Variants in RNF24 observed in about 807,000 individuals in gnomAD.
The protein encoded by RNF24 is ring finger protein 24.
Under a neutral mutation model 20.0 loss-of-function variants are expected in RNF24, and 14 were observed. That is an observed-to-expected ratio of 0.70 (90% confidence interval 0.46 to 1.10). The LOEUF (loss-of-function observed/expected upper bound fraction) is 1.10. RNF24 is among the 50% of genes least tolerant of loss of function. The pLI is 0.00. For missense variants in RNF24, 124 were observed against 177.6 expected, an observed-to-expected ratio of 0.70 and a Z score of 1.71; for synonymous variants, 45 against 61.1, an observed-to-expected ratio of 0.74 and a Z score of 1.23.
rs1269427838 is a variant in RNF24 at position 3,931,597 on chromosome 20, TAG to T, written c.*2464_*2465del. On this transcript the variant is annotated 3_prime_UTR_variant, in exon 6 of 6. Transcript: ENST00000358395. ...TCGCAGGAACTACTGCTAGTGATACTAGGCTTGCTGCAGGAGGATGTCACGCT... is the reference window on the plus strand; with the variant it reads ...TCGCAGGAACTACTGCTAGTGATACTGCTTGCTGCAGGAGGATGTCACGCT... 1 of 152,206 alleles carries T rather than the reference TAG, an allele frequency of 6.6e-6. No homozygotes were observed. The highest frequency in any genetic ancestry group is 1.5e-5 in the Non-Finnish European group (1 of 68,032). 9.4% of individuals were successfully genotyped at this position (152,206 alleles called of 1,614,324 possible). A position where few individuals can be genotyped will look rare whatever the true frequency, so the allele number is the denominator to read the frequency against.
At chr20:3,986,873 T>TCTC (rs974697537) in intron 1 of RNF24, among the ~76,000 whole-genome samples, 36 of 152,186 alleles carry the variant, frequency 2.4e-4, no homozygotes, top group African/African-American at 7.9e-4. Flanking sequence ...ATGGTCTTGA[T>TCTC]CTCCTGATCT....
intron 1 of RNF24, among the ~76,000 whole-genome samples, chr20:3,977,681 C>A (rs951279267): frequency 2.0e-5 from 3 of 151,794 alleles, no homozygotes; most frequent in Non-Finnish European, 2.9e-5. Flanking sequence ...CTGGCTAACA[C>A]GGTGAAACCC....
chr20:3,986,035 G>T (rs1979870597), intron 1 of RNF24, among the ~76,000 whole-genome samples: 1 of 152,082 alleles, frequency 6.6e-6, no homozygotes, highest in Non-Finnish European at 1.5e-5. Flanking sequence ...TTACAAGCGT[G>T]AGCCACCATG....
intron 1 of RNF24, among the ~76,000 whole-genome samples, chr20:4,001,980 C>A (rs1169041778): frequency 6.6e-6 from 1 of 151,240 alleles, no homozygotes; most frequent in Non-Finnish European, 1.5e-5. Context: ...GGGCCGGGCG[C>A]GGTGGCTGAC....
chr20:4,014,187 A>C (rs1982688009), intron 1 of RNF24, among the ~76,000 whole-genome samples: 1 of 152,232 alleles, frequency 6.6e-6, no homozygotes, highest in Admixed American at 6.5e-5. Flanking sequence ...ACAACAGAAC[A>C]CAGGAAAATT....
Position 3,931,443 on chromosome 20 carries a change from T to A in RNF24, c.*2620A>T, listed in dbSNP as rs1332621203. The A allele has an allele frequency of 6.6e-6, 1 of 152,236 alleles. No homozygotes were observed. The highest frequency in any genetic ancestry group is 6.5e-5 in the Admixed American group (1 of 15,288). 9.4% of individuals were successfully genotyped at this position (152,236 alleles called of 1,614,324 possible). ...GTCTTTCAAACAAAAACCCTGCGAT[T>A]TTAATGAGAATTAAAGGAGGATGTA... On this transcript the variant is annotated 3_prime_UTR_variant, in exon 6 of 6. Transcript: ENST00000358395.
At chr20:3,980,960 T>G (rs553946378) in intron 1 of RNF24, among the ~76,000 whole-genome samples, 2 of 136,314 alleles carry the variant, frequency 1.5e-5, no homozygotes, top group African/African-American at 5.4e-5. Context: ...AATTTGTGTG[T>G]GTGTGTTGGG....
chr20:3,981,636 G>A (rs1979391354), intron 1 of RNF24, among the ~76,000 whole-genome samples: 1 of 151,848 alleles, frequency 6.6e-6, no homozygotes, highest in African/African-American at 2.4e-5. Flanking sequence ...CTCCCGAGTA[G>A]CTGGGACTAC....
intron 1 of RNF24, among the ~76,000 whole-genome samples, chr20:3,977,828 C>A (rs1979008465): frequency 1.4e-5 from 2 of 146,166 alleles, no homozygotes; most frequent in Non-Finnish European, 3.0e-5. Context: ...TGCGCCACTG[C>A]ACTCCAGCCT....
chr20:3,954,482 G>A (rs2091119225), intron 2 of RNF24, among the ~76,000 whole-genome samples: 1 of 152,050 alleles, frequency 6.6e-6, no homozygotes, highest in African/African-American at 2.4e-5. Flanking sequence ...ATCTGTCGAT[G>A]GACATTTGGG....
chr20:3,945,065 T>C, intron 4 of RNF24, 112 bp downstream of exon 4: 1 of 1,384,810 alleles, frequency 7.2e-7, no homozygotes, highest in Non-Finnish European at 9.9e-7. Flanking sequence ...ATTACCCCAA[T>C]CAAAATAAGC....
intron 4 of RNF24, among the ~76,000 whole-genome samples, chr20:3,939,221 T>C (rs1160216385): frequency 2.0e-5 from 3 of 152,226 alleles, no homozygotes; most frequent in Non-Finnish European, 4.4e-5. Context: ...CTCAAATTCC[T>C]GGACTCAAGG....
intron 2 of RNF24, among the ~76,000 whole-genome samples, chr20:3,963,421 G>A (rs1179481036): frequency 2.0e-5 from 3 of 152,166 alleles, no homozygotes; most frequent in African/African-American, 4.8e-5. Context: ...GAGAACTCCC[G>A]ACCTTAGGTG....
chr20:3,946,384 GC>G (rs992730195), intron 3 of RNF24, among the ~76,000 whole-genome samples: 12 of 152,250 alleles, frequency 7.9e-5, no homozygotes, highest in African/African-American at 2.9e-4. Context: ...AGCCCAGGAG[GC>G]AGAGGTTGCA....
At chr20:3,947,111 T>C (rs1198323129) in intron 3 of RNF24, among the ~76,000 whole-genome samples, 2 of 152,090 alleles carry the variant, frequency 1.3e-5, no homozygotes, top group African/African-American at 2.4e-5. Flanking sequence ...AGGAGATCAC[T>C]TGAACCCGGG....
intron 1 of RNF24, among the ~76,000 whole-genome samples, chr20:3,982,039 G>A (rs909368884): frequency 6.6e-6 from 1 of 151,182 alleles, no homozygotes; most frequent in African/African-American, 2.4e-5. Flanking sequence ...GATCACCTGA[G>A]CCCAGGAGCA....
At chr20:3,967,973 C>CCAAAAAAA (rs2091275860) in intron 1 of RNF24, among the ~76,000 whole-genome samples, 1 of 77,178 alleles carries the variant, frequency 1.3e-5, no homozygotes, top group African/African-American at 5.2e-5. Flanking sequence ...AGCCTGGCAA[C>CCAAAAAAA]AAAAAAAAAA....
chr20:3,985,734 C>T (rs1456998662), intron 1 of RNF24, among the ~76,000 whole-genome samples: 1 of 127,128 alleles, frequency 7.9e-6, no homozygotes, highest in South Asian at 2.4e-4. Flanking sequence ...GATGCAGTTT[C>T]GGTCTTGTTG....
chr20:4,005,800 GA>G (rs1215036641), intron 1 of RNF24, among the ~76,000 whole-genome samples: 2 of 148,962 alleles, frequency 1.3e-5, no homozygotes, highest in Non-Finnish European at 3.0e-5. Context: ...CTGCACATTT[GA>G]AAAAAAAATT....
Sources: gnomAD v4.1 joint callset for allele counts (sites outside exome capture counted in the v4.1 genomes callset) on GRCh38, gnomAD v4.1.1 for gene constraint, MANE v1.5 for transcripts, NCBI Gene and HGNC (gene_info 2026-07-23, HGNC 2026-07-21) for gene names.